The following FAM163A variants were observed in gnomAD, a reference collection of about 807,000 sequenced individuals.
The protein encoded by FAM163A is family with sequence similarity 163 member A.
In FAM163A, 7 loss-of-function variants were observed where a neutral mutation model predicts 12.0. That is an observed-to-expected ratio of 0.58 (90% CI 0.33 to 1.10). The LOEUF (loss-of-function observed/expected upper bound fraction) is 1.10, where lower values mean the gene tolerates loss of function less well. Among genes scored for constraint, FAM163A ranks in the 50% least tolerant of loss-of-function variants. The probability of loss-of-function intolerance (pLI) is 0.03; values close to 1 mark genes in which losing one functional copy is unlikely to be tolerated. For synonymous variants in FAM163A, 101 were observed against 91.0 expected, an observed-to-expected ratio of 1.11 and a Z score of -0.62; for missense variants, 202 against 218.6, an observed-to-expected ratio of 0.92 and a Z score of 0.48.
At chr1:179,758,652 C>T (rs141930240) in intron 1 of FAM163A, among the ~76,000 whole-genome samples, 40 of 152,344 alleles carry the variant, frequency 2.6e-4, no homozygotes, top group Non-Finnish European at 1.2e-4. Flanking sequence ...TGTTCCTGTC[C>T]CTCTGTTCCT....
upstream of FAM163A, among the ~76,000 whole-genome samples, chr1:179,740,803 G>A (rs1031271460): frequency 6.6e-6 from 1 of 152,154 alleles, no homozygotes; most frequent in African/African-American, 2.4e-5. Flanking sequence ...TGCGGTGGTG[G>A]AAATGTTGTG....
intron 1 of FAM163A, among the ~76,000 whole-genome samples, chr1:179,746,646 C>T (rs140715548): frequency 6.6e-6 from 1 of 152,148 alleles, no homozygotes; most frequent in African/African-American, 2.4e-5. Context: ...CCTTTTGTAC[C>T]TTTTGAATTC....
At chr1:179,746,483 T>C (rs1424478136) in intron 1 of FAM163A, among the ~76,000 whole-genome samples, 1 of 152,110 alleles carries the variant, frequency 6.6e-6, no homozygotes, top group Admixed American at 6.5e-5. Flanking sequence ...TATGGCTAAG[T>C]GGAAAAAACA....
At chr1:179,807,007 C>T (rs561847153) in intron 1 of FAM163A, among the ~76,000 whole-genome samples, 10 of 151,034 alleles carry the variant, frequency 6.6e-5, no homozygotes, top group Non-Finnish European at 1.2e-4. Context: ...GAGGCTGAGG[C>T]GGGAGAATAG....
At chr1:179,813,217 G>A (rs1346253881) in intron 4 of FAM163A, 27 bp downstream of exon 4, 3 of 1,546,588 alleles carry the variant, frequency 1.9e-6, no homozygotes, top group Non-Finnish European at 2.6e-6. Context: ...CGTAGCCAGA[G>A]GCTGCCAGGC....
chr1:179,742,544 T>A (rs1479845506), upstream of FAM163A: 1 of 152,178 alleles, frequency 6.6e-6, no homozygotes, highest in African/African-American at 2.4e-5. Context: ...GCTTCGGAAG[T>A]GCGGAGAAGT....
intron 1 of FAM163A, among the ~76,000 whole-genome samples, chr1:179,750,497 T>C (rs973062732): frequency 6.6e-6 from 1 of 151,922 alleles, no homozygotes; most frequent in Admixed American, 6.6e-5. Context: ...CTTTGGGAGA[T>C]GGGAGAGGAT....
intron 1 of FAM163A, among the ~76,000 whole-genome samples, chr1:179,772,000 A>G (rs1272715410): frequency 1.3e-5 from 2 of 152,016 alleles, no homozygotes; most frequent in Non-Finnish European, 2.9e-5. Flanking sequence ...CACACCATCT[A>G]TTCAGCTGCT....
chr1:179,798,917 G>A (rs772470837), intron 1 of FAM163A, among the ~76,000 whole-genome samples: 4 of 152,098 alleles, frequency 2.6e-5, no homozygotes, highest in Non-Finnish European at 4.4e-5. Context: ...CCCTTTGCAA[G>A]CCTCCCGCTT....
rs1324576610 is a variant in FAM163A at position 179,813,939 on chromosome 1, G to A, written c.254G>A (p.Ser85Asn). The A allele has an allele frequency of 6.2e-7, 1 of 1,613,712 alleles. No homozygotes were observed. Among genetic ancestry groups the A allele is most frequent in the Admixed American group, 1.7e-5 (1 of 60,014 alleles). ...GCGCCTCTCACCAGCGAGCCCTGCA[G>A]CCAGCCCTGTGGGGTGGCCGCGAGC... ...SLAPLTSEPC[S>N]QPCGVAASHC... Residue 85 changes from serine (S) to asparagine (N), a missense_variant, in exon 5 of 5, where the codon AGC becomes AAC. By Grantham distance (46) the Ser-to-Asn change is conservative (BLOSUM62 1). Coordinates refer to ENST00000341785, the MANE Select transcript of FAM163A (RefSeq NM_173509.3).
the FAM163A span, among the ~76,000 whole-genome samples, chr1:179,734,329 A>G: frequency 4.3e-4 from 65 of 152,358 alleles, 1 homozygote; most frequent in Middle Eastern, 3.4e-3. Flanking sequence ...CATTGACTAA[A>G]CAGTACTTGA....
At chr1:179,731,709 T>G in the FAM163A span, among the ~76,000 whole-genome samples, 1 of 152,238 alleles carries the variant, frequency 6.6e-6, no homozygotes, top group Non-Finnish European at 1.5e-5. Flanking sequence ...AACTCCCTTG[T>G]GTCTTCATGT....
chr1:179,749,579 C>T (rs1490819128), intron 1 of FAM163A, among the ~76,000 whole-genome samples: 2 of 152,174 alleles, frequency 1.3e-5, no homozygotes, highest in African/African-American at 2.4e-5. Context: ...AGGCCAGGCG[C>T]GGTGGCCTAC....
At chr1:179,792,234 C>G (rs1016602601) in intron 1 of FAM163A, among the ~76,000 whole-genome samples, 4 of 152,088 alleles carry the variant, frequency 2.6e-5, no homozygotes, top group African/African-American at 9.7e-5. Flanking sequence ...ATCCTCCTGC[C>G]TCAGCCTCCT....
Position 179,813,193 on chromosome 1 carries a change from C to G in FAM163A, c.93+3C>G. The G allele has an allele frequency of 6.4e-7, 1 of 1,551,614 alleles. No individual in the cohort carries two copies. The highest frequency in any genetic ancestry group is 8.7e-7 in the Non-Finnish European group (1 of 1,146,882). ...TCCTGTGCTACTGCAGGCTCCAGGTCAGTCCCCGGGACCCGTAGCCAGAGG... is the reference window on the plus strand; with the variant it reads ...TCCTGTGCTACTGCAGGCTCCAGGTGAGTCCCCGGGACCCGTAGCCAGAGG... On this transcript the variant is annotated splice_donor_region_variant and intron_variant, in intron 4 of 4. Transcript: ENST00000341785.
At chr1:179,746,642 G>A (rs1440723170) in intron 1 of FAM163A, among the ~76,000 whole-genome samples, 1 of 152,098 alleles carries the variant, frequency 6.6e-6, no homozygotes, top group African/African-American at 2.4e-5. Context: ...AAACCCTTTT[G>A]TACCTTTTGA....
At chr1:179,781,707 G>A (rs1447348739) in intron 1 of FAM163A, among the ~76,000 whole-genome samples, 1 of 152,084 alleles carries the variant, frequency 6.6e-6, no homozygotes, top group African/African-American at 2.4e-5. Flanking sequence ...AGGCCCAGGC[G>A]GGAGGATCAC....
chr1:179,797,424 C>T (rs538745801), intron 1 of FAM163A, among the ~76,000 whole-genome samples: 4 of 152,114 alleles, frequency 2.6e-5, no homozygotes, highest in African/African-American at 2.4e-5. Context: ...CTCACGCCAG[C>T]CCAGGCAACA....
At chr1:179,762,800 A>G (rs1350079529) in intron 1 of FAM163A, among the ~76,000 whole-genome samples, 2 of 152,194 alleles carry the variant, frequency 1.3e-5, no homozygotes, top group African/African-American at 2.4e-5. Context: ...GCCATTGTGA[A>G]CACACACTGT....
Sources: allele counts gnomAD v4.1 joint callset (sites outside exome capture counted in the v4.1 genomes callset), GRCh38; gene constraint gnomAD v4.1.1; transcripts MANE v1.5; gene names NCBI Gene and HGNC (gene_info 2026-07-23, HGNC 2026-07-21).